The following CALN1 variants were observed in gnomAD, a reference collection of about 807,000 sequenced individuals.
The protein encoded by CALN1 is calcium-binding protein 8.
Under a neutral mutation model 30.6 loss-of-function variants are expected in CALN1, and 17 were observed. The ratio of observed to expected loss-of-function variants is 0.56; its 90% confidence interval spans 0.38 to 0.83. The LOEUF is 0.83. CALN1 is among the 40% of genes least tolerant of loss of function. The pLI, the probability that CALN1 is intolerant of heterozygous loss-of-function variation, is 0.00. For missense variants in CALN1, 291 were observed against 354.9 expected (o/e 0.82, Z 1.45); for synonymous variants, 156 against 131.4 (o/e 1.19, Z -1.28).
chr7:71,891,321 A>T (rs1562876384), intron 5 of CALN1, among the ~76,000 whole-genome samples: 1 of 152,218 alleles, frequency 6.6e-6, no homozygotes, highest in African/African-American at 2.4e-5. Flanking sequence ...GATTCTGGAT[A>T]CCTGCTTCCC....
At chr7:71,819,468 T>G (rs1788470674) in intron 5 of CALN1, among the ~76,000 whole-genome samples, 1 of 152,192 alleles carries the variant, frequency 6.6e-6, no homozygotes, top group Admixed American at 6.5e-5. Flanking sequence ...CCTCCCAAAG[T>G]GTTGGGATTG....
chr7:72,391,673 T>C (rs555622473), intron 2 of CALN1, among the ~76,000 whole-genome samples: 15 of 152,284 alleles, frequency 9.9e-5, no homozygotes, highest in African/African-American at 3.1e-4. Flanking sequence ...AAAGATCTGA[T>C]GGTTTAATAA....
intron 3 of CALN1, among the ~76,000 whole-genome samples, chr7:72,207,116 T>A (rs1791943052): frequency 1.3e-5 from 2 of 152,204 alleles, no homozygotes; most frequent in African/African-American, 2.4e-5. Flanking sequence ...AAAATGTTGG[T>A]AAAATCTGCA....
intron 4 of CALN1, among the ~76,000 whole-genome samples, chr7:72,039,877 G>A (rs1330811744): frequency 6.6e-6 from 1 of 152,162 alleles, no homozygotes; most frequent in Non-Finnish European, 1.5e-5. Flanking sequence ...TGCCCCATGT[G>A]TCATTGAGAT....
chr7:72,034,594 C>A (rs577456339), intron 4 of CALN1, among the ~76,000 whole-genome samples: 34 of 151,702 alleles, frequency 2.2e-4, no homozygotes, highest in African/African-American at 7.5e-4. Context: ...GAGATCGAGA[C>A]CAGCCTGGCC....
intron 5 of CALN1, among the ~76,000 whole-genome samples, chr7:71,905,464 T>C (rs1273155108): frequency 2.0e-5 from 3 of 151,962 alleles, no homozygotes; most frequent in Non-Finnish European, 4.4e-5. Context: ...CAGGATTATA[T>C]TAACTTTTCT....
intron 5 of CALN1, among the ~76,000 whole-genome samples, chr7:71,918,837 T>C (rs1794804413): frequency 6.6e-6 from 1 of 152,182 alleles, no homozygotes; most frequent in Non-Finnish European, 1.5e-5. Context: ...TTCCTTCCTT[T>C]GTGAGACACT....
the CALN1 span, among the ~76,000 whole-genome samples, chr7:72,474,381 T>A: frequency 6.6e-6 from 1 of 152,288 alleles, no homozygotes; most frequent in Non-Finnish European, 1.5e-5. Context: ...TGGACCTGCA[T>A]GCAGTGTTTA....
At chr7:72,168,534 TATA>T (rs1160429540) in intron 3 of CALN1, among the ~76,000 whole-genome samples, 1 of 152,186 alleles carries the variant, frequency 6.6e-6, no homozygotes, top group African/African-American at 2.4e-5. Flanking sequence ...ATGTTTTATT[TATA>T]ATGTTTGTGT....
Position 72,248,656 on chromosome 7 carries a change from A to G in CALN1, c.244+30030T>C, listed in dbSNP as rs1795348067. Among the ~76,000 whole-genome samples the G allele has an allele frequency of 1.3e-5, 2 of 152,038 alleles. 1 individual carries two copies. The highest frequency in any genetic ancestry group is 2.9e-5 in the Non-Finnish European group (2 of 68,008). On this transcript the variant is annotated intron_variant, in intron 3 of 6. Coordinates refer to ENST00000395275, the MANE Select transcript of CALN1 (RefSeq NM_031468.4). ...CCTCAAATAATCTCTCCATCTCAACATCCTAATGTAGTCACATCTGCAATG... is the reference window on the plus strand; with the variant it reads ...CCTCAAATAATCTCTCCATCTCAACGTCCTAATGTAGTCACATCTGCAATG...
intron 5 of CALN1, among the ~76,000 whole-genome samples, chr7:71,941,412 G>A (rs1045495692): frequency 2.6e-5 from 4 of 151,996 alleles, no homozygotes; most frequent in African/African-American, 7.2e-5. Context: ...ACTGACGGGG[G>A]GAAGACTGAG....
chr7:72,141,043 C>T (rs1010822939), intron 3 of CALN1, among the ~76,000 whole-genome samples: 1 of 152,234 alleles, frequency 6.6e-6, no homozygotes, highest in Non-Finnish European at 1.5e-5. Context: ...ATGGGCTAAG[C>T]ATGAACTGGT....
At chr7:71,844,997 C>T (rs965565669) in intron 5 of CALN1, among the ~76,000 whole-genome samples, 16 of 152,120 alleles carry the variant, frequency 1.1e-4, no homozygotes, top group Non-Finnish European at 2.2e-4. Flanking sequence ...TCAAGCAGTA[C>T]CTCAGCCTCC....
At chr7:72,469,222 A>C in the CALN1 span, among the ~76,000 whole-genome samples, 1 of 151,724 alleles carries the variant, frequency 6.6e-6, no homozygotes, top group Non-Finnish European at 1.5e-5. Flanking sequence ...ATCCATTTGG[A>C]GTTTTCTTGT....
chr7:71,813,705 G>A (rs1318292236), intron 5 of CALN1, among the ~76,000 whole-genome samples: 5 of 152,016 alleles, frequency 3.3e-5, no homozygotes, highest in African/African-American at 1.2e-4. Context: ...CGAGGCTGGC[G>A]GATCACAAGG....
At chr7:71,821,153 GATGATAAAGTCA>G (rs2116318760) in intron 5 of CALN1, among the ~76,000 whole-genome samples, 1 of 152,302 alleles carries the variant, frequency 6.6e-6, no homozygotes, top group South Asian at 2.1e-4. Context: ...GCATACAGAT[GATGATAAAGTCA>G]TCAGAAAGGA....
chr7:72,437,765 T>TC (rs1443300122), intron 1 of CALN1, among the ~76,000 whole-genome samples: 1 of 136,354 alleles, frequency 7.3e-6, no homozygotes, highest in African/African-American at 2.8e-5. Flanking sequence ...TTTCCTTCCT[T>TC]CTTTCTTTCC....
upstream of CALN1, among the ~76,000 whole-genome samples, chr7:72,415,850 C>G (rs1166062014): frequency 6.6e-6 from 1 of 152,224 alleles, no homozygotes; most frequent in Non-Finnish European, 1.5e-5. Context: ...TACCACCACG[C>G]TCCTTCACCT....
At chr7:72,279,206 A>G (rs1342356024) in intron 2 of CALN1, among the ~76,000 whole-genome samples, 1 of 152,158 alleles carries the variant, frequency 6.6e-6, no homozygotes, top group African/African-American at 2.4e-5. Context: ...AAGTGTAGGG[A>G]TGCCCAGGGA....
Sources: allele counts gnomAD v4.1 joint callset (sites outside exome capture counted in the v4.1 genomes callset), GRCh38; gene constraint gnomAD v4.1.1; transcripts MANE v1.5; gene names NCBI Gene and HGNC (gene_info 2026-07-23, HGNC 2026-07-21).